AUTS2: variants seen among roughly 807,000 people sequenced by gnomAD.
AUTS2 encodes the protein activator of transcription and developmental regulator AUTS2.
In AUTS2, 17 loss-of-function variants were observed where a neutral mutation model predicts 112.4. That is an observed-to-expected ratio of 0.15 (90% CI 0.10 to 0.23). The LOEUF is 0.23. Among genes scored for constraint, AUTS2 ranks in the 10% least tolerant of loss-of-function variants. The probability of loss-of-function intolerance (pLI) is 1.00; values close to 1 mark genes in which losing one functional copy is unlikely to be tolerated. For synonymous variants in AUTS2, 751 were observed against 702.7 expected, an observed-to-expected ratio of 1.07 and a Z score of -1.09; for missense variants, 1,510 against 1,701.6, an observed-to-expected ratio of 0.89 and a Z score of 1.98.
At chr7:70,460,570 C>T (rs1229449939) in intron 5 of AUTS2, among the ~76,000 whole-genome samples, 1 of 151,796 alleles carries the variant, frequency 6.6e-6, no homozygotes, top group Non-Finnish European at 1.5e-5. Flanking sequence ...AGGCTGGTCT[C>T]GAACTCCTGA....
intron 1 of AUTS2, among the ~76,000 whole-genome samples, chr7:69,753,410 C>T (rs1787822444): frequency 6.6e-6 from 1 of 151,974 alleles, no homozygotes; most frequent in Non-Finnish European, 1.5e-5. Flanking sequence ...GTCAGGATGC[C>T]CTCCATTTCT....
At chr7:69,968,482 A>C (rs1355220801) in intron 2 of AUTS2, among the ~76,000 whole-genome samples, 1 of 152,208 alleles carries the variant, frequency 6.6e-6, no homozygotes, top group Non-Finnish European at 1.5e-5. Context: ...TTTTGGTTCC[A>C]CATCCATATG....
At chr7:70,524,820 A>T (rs935664819) in intron 5 of AUTS2, among the ~76,000 whole-genome samples, 4 of 152,254 alleles carry the variant, frequency 2.6e-5, no homozygotes, top group African/African-American at 9.6e-5. Context: ...TGCTGTCTGC[A>T]AGACTCCTTG....
chr7:69,746,012 T>C (rs767958939), intron 1 of AUTS2, among the ~76,000 whole-genome samples: 1 of 152,076 alleles, frequency 6.6e-6, no homozygotes, highest in Non-Finnish European at 1.5e-5. Flanking sequence ...TGGCTGAAAC[T>C]ACAGGCGTGC....
intron 5 of AUTS2, among the ~76,000 whole-genome samples, chr7:70,688,582 C>G (rs1212977144): frequency 6.6e-6 from 1 of 152,182 alleles, no homozygotes. Context: ...AATCCCAGCA[C>G]TTTGGAAGGC....
chr7:69,886,483 G>C (rs1794278179), intron 1 of AUTS2, among the ~76,000 whole-genome samples: 1 of 152,104 alleles, frequency 6.6e-6, no homozygotes, highest in African/African-American at 2.4e-5. Context: ...TTTATATTCA[G>C]AGCCACATAA....
chr7:69,758,909 C>T (rs559842653), intron 1 of AUTS2, among the ~76,000 whole-genome samples: 7 of 152,256 alleles, frequency 4.6e-5, no homozygotes, highest in South Asian at 4.1e-4. Flanking sequence ...AGCAACTCAC[C>T]TCTTCATGCC....
rs148730842 is a variant in AUTS2 at position 70,620,995 on chromosome 7, C to G, written c.691-77574C>G. Among the ~76,000 whole-genome samples the G allele has an allele frequency of 2.3e-3, 348 of 152,286 alleles. 1 individual carries two copies. Among genetic ancestry groups the G allele is most frequent in the African/African-American group, 7.1e-3 (296 of 41,576 alleles). ...TTCCAGTTCCTCCAGGGCCTGAGCTCAGAGCGGGGAGGACCATGAGGGGCC... is the reference window on the plus strand; with the variant it reads ...TTCCAGTTCCTCCAGGGCCTGAGCTGAGAGCGGGGAGGACCATGAGGGGCC... On this transcript the variant is annotated intron_variant, in intron 5 of 18. Coordinates refer to ENST00000342771, the MANE Select transcript of AUTS2 (RefSeq NM_015570.4).
In AUTS2 at chr7:70,481,364, T is replaced by C. The variant is rs544644672; in HGVS notation, c.690+45583T>C. ...GAATAAATGCCACGTCATGAGTTTG[T>C]GGTCAACTCCTGTGGTCAACTTTTA... On this transcript the variant is annotated intron_variant, in intron 5 of 18. Transcript: ENST00000342771. 3.7e-4 allele frequency among the ~76,000 whole-genome samples: 56 copies of C among 152,358 alleles called. 1 individual carries two copies. Among genetic ancestry groups the C allele is most frequent in the Admixed American group, 3.6e-3 (55 of 15,312 alleles).
intron 5 of AUTS2, among the ~76,000 whole-genome samples, chr7:70,503,856 G>A (rs1585227229): frequency 6.9e-6 from 1 of 144,792 alleles, no homozygotes; most frequent in African/African-American, 2.5e-5. Context: ...AAAAAAAAAA[G>A]AAGAAAGAAA....
chr7:69,695,894 G>A (rs1399370036), intron 1 of AUTS2, among the ~76,000 whole-genome samples: 1 of 152,076 alleles, frequency 6.6e-6, no homozygotes, highest in African/African-American at 2.4e-5. Flanking sequence ...CTGTATTACG[G>A]GAGAACACAA....
chr7:70,511,516 A>T (rs560957732), intron 5 of AUTS2, among the ~76,000 whole-genome samples: 2 of 143,612 alleles, frequency 1.4e-5, no homozygotes, highest in South Asian at 4.4e-4. Context: ...GTCCTGTCAT[A>T]ATTTTTTATT....
chr7:70,452,808 G>C, intron 5 of AUTS2, among the ~76,000 whole-genome samples: 1 of 152,142 alleles, frequency 6.6e-6, no homozygotes, highest in Non-Finnish European at 1.5e-5. Flanking sequence ...AGCACAGGCG[G>C]TGGGCCCCCA....
intron 4 of AUTS2, among the ~76,000 whole-genome samples, chr7:70,345,335 A>C (rs1439998024): frequency 6.6e-6 from 1 of 152,194 alleles, no homozygotes. Context: ...CTCTTTGTTC[A>C]ACGCTGGTGA....
At chr7:70,377,996 T>C (rs1156246068) in intron 4 of AUTS2, among the ~76,000 whole-genome samples, 1 of 151,944 alleles carries the variant, frequency 6.6e-6, no homozygotes, top group Non-Finnish European at 1.5e-5. Context: ...GCCAATGGTC[T>C]TGATCTCCTG....
intron 11 of AUTS2, among the ~76,000 whole-genome samples, chr7:70,773,573 A>G (rs1244503301): frequency 1.3e-5 from 2 of 152,244 alleles, no homozygotes; most frequent in Non-Finnish European, 2.9e-5. Flanking sequence ...GTTAAAACGG[A>G]GAGCTTAATG....
intron 4 of AUTS2, among the ~76,000 whole-genome samples, chr7:70,227,892 T>C (rs1811849423): frequency 6.6e-6 from 1 of 152,082 alleles, no homozygotes; most frequent in South Asian, 2.1e-4. Context: ...TTAAAAGGAG[T>C]ATGTACTATA....
In AUTS2 at chr7:70,440,026, C is replaced by T. The variant is rs141164244; in HGVS notation, c.690+4245C>T. ...CTATTTTGTTGTGGACAAGCCTTGG[C>T]TTTCTCAGCTGTCAAATGGGGGTGA... On this transcript the variant is annotated intron_variant, in intron 5 of 18. Transcript: ENST00000342771. Among the ~76,000 whole-genome samples the T allele has an allele frequency of 1.3e-3, 200 of 152,168 alleles. 4 individuals are homozygous for T. The East Asian group carries it at 0.032, about 24-fold the overall frequency.
intron 5 of AUTS2, among the ~76,000 whole-genome samples, chr7:70,580,368 T>G (rs1173017253): frequency 1.3e-5 from 2 of 151,920 alleles, no homozygotes; most frequent in Non-Finnish European, 2.9e-5. Context: ...CTGCCGGTCC[T>G]CCCCCTCACC....
Sources: gnomAD v4.1 joint callset for allele counts (sites outside exome capture counted in the v4.1 genomes callset) on GRCh38, gnomAD v4.1.1 for gene constraint, MANE v1.5 for transcripts, NCBI Gene and HGNC (gene_info 2026-07-23, HGNC 2026-07-21) for gene names.